The following CA10 variants were observed in gnomAD, a reference collection of about 807,000 sequenced individuals.
CA10 encodes the protein carbonic anhydrase-related protein 10.
A neutral mutation model predicts 44.2 loss-of-function variants in CA10; 14 were observed. That is an observed-to-expected ratio of 0.32 (90% CI 0.21 to 0.50). CA10 has a LOEUF of 0.50. Ranked by LOEUF, CA10 falls within the 20% of genes least tolerant of loss-of-function variation. The pLI is 0.99. For missense variants in CA10, 350 were observed against 409.7 expected (o/e 0.85, Z 1.26); for synonymous variants, 159 against 141.6 (o/e 1.12, Z -0.87).
rs374650198 is a variant in CA10, at chr17:51,635,930, C to A, written c.714G>T (p.Ser238=). 1.7e-5 allele frequency: 27 copies of A among 1,609,246 alleles called. No homozygotes were observed. The Admixed American group carries it at 3.7e-4, about 22-fold the overall frequency. ...TCTCATAGCAGGGTGGGATAGTCAT[C>A]GACCCATCGTAAGTGATGAAACTAG... ...ETSSFITYDG[S]MTIPPCYETA... Residue 238 remains serine, a synonymous_variant, in exon 7 of 9, where the codon TCG becomes TCT. Coordinates refer to ENST00000451037, the MANE Select transcript of CA10 (RefSeq NM_020178.5).
chr17:51,749,103 C>G (rs1311472355), intron 3 of CA10, among the ~76,000 whole-genome samples: 1 of 152,214 alleles, frequency 6.6e-6, no homozygotes, highest in Non-Finnish European at 1.5e-5. Context: ...ATGGAAATGG[C>G]AATGTGGTGC....
At position 51,873,846 on chromosome 17, in the gene CA10, C is replaced by G. The variant is rs190838341; in HGVS notation, c.279+57144G>C. Among the ~76,000 whole-genome samples, 30 of 152,330 alleles carry G rather than the reference C, an allele frequency of 2.0e-4. No individual in the cohort carries two copies. In the East Asian group the frequency reaches 5.6e-3, roughly 28 times the overall value. ...CCCAATGATGTAAATACACATTTCA[C>G]TGCCTAAAATGACCAAAAACGTGTT... On this transcript the variant is annotated intron_variant, in intron 3 of 8. Transcript: ENST00000451037.
intron 2 of CA10, among the ~76,000 whole-genome samples, chr17:51,951,614 A>C (rs548102792): frequency 6.6e-6 from 1 of 152,292 alleles, no homozygotes; most frequent in South Asian, 2.1e-4. Context: ...CCTCCATGCA[A>C]AAATTTGGGT....
chr17:51,769,537 G>A (rs532531573), intron 3 of CA10, among the ~76,000 whole-genome samples: 1 of 152,200 alleles, frequency 6.6e-6, no homozygotes, highest in East Asian at 1.9e-4. Flanking sequence ...TTTCTGGGAA[G>A]GAAATAAAAC....
chr17:52,044,986 T>A (rs1314947432), intron 2 of CA10, among the ~76,000 whole-genome samples: 50 of 151,580 alleles, frequency 3.3e-4, no homozygotes, highest in Non-Finnish European at 4.4e-5. Flanking sequence ...CCATAAAAAA[T>A]TGAACATAAA....
chr17:51,980,933 A>T (rs1041082237), intron 2 of CA10, among the ~76,000 whole-genome samples: 3 of 152,266 alleles, frequency 2.0e-5, no homozygotes, highest in African/African-American at 7.2e-5. Context: ...ACTATTCAGC[A>T]TCATTAGCCA....
intron 3 of CA10, among the ~76,000 whole-genome samples, chr17:51,867,392 A>G (rs1437338362): frequency 1.3e-5 from 2 of 152,216 alleles, no homozygotes; most frequent in African/African-American, 4.8e-5. Flanking sequence ...GGTTAAGAGC[A>G]TGGGCTTTAG....
chr17:51,927,047 A>G (rs1982461368), intron 3 of CA10, among the ~76,000 whole-genome samples: 1 of 152,198 alleles, frequency 6.6e-6, no homozygotes, highest in Non-Finnish European at 1.5e-5. Flanking sequence ...ATTATCCTTC[A>G]TCCCAGTCTC....
intron 1 of CA10, among the ~76,000 whole-genome samples, chr17:52,081,658 G>A (rs947055448): frequency 2.0e-5 from 3 of 151,992 alleles, no homozygotes; most frequent in East Asian, 1.9e-4. Flanking sequence ...AAATTAGCCG[G>A]GCGTAGTGGT....
intron 4 of CA10, among the ~76,000 whole-genome samples, chr17:51,724,947 T>TA (rs1365220911): frequency 6.6e-6 from 1 of 152,242 alleles, no homozygotes; most frequent in African/African-American, 2.4e-5. Flanking sequence ...GTTGAGTGCC[T>TA]ACAAGGAGCC....
At chr17:51,873,418 T>C (rs548659982) in intron 3 of CA10, among the ~76,000 whole-genome samples, 1 of 152,328 alleles carries the variant, frequency 6.6e-6, no homozygotes, top group South Asian at 2.1e-4. Context: ...CATTAGGTAG[T>C]TGGCACTCAG....
chr17:51,905,289 CAGGTGG>C (rs1981497375), intron 3 of CA10, among the ~76,000 whole-genome samples: 1 of 152,112 alleles, frequency 6.6e-6, no homozygotes, highest in African/African-American at 2.4e-5. Flanking sequence ...TGCACTGCCT[CAGGTGG>C]AGTTAATTCT....
intron 2 of CA10, among the ~76,000 whole-genome samples, chr17:51,999,318 G>T (rs970762651): frequency 3.3e-5 from 5 of 152,014 alleles, no homozygotes; most frequent in African/African-American, 1.2e-4. Context: ...CATCACACAG[G>T]TATTGAAAAT....
intron 4 of CA10, among the ~76,000 whole-genome samples, chr17:51,731,375 C>T (rs903113528): frequency 1.6e-4 from 24 of 151,498 alleles, no homozygotes; most frequent in African/African-American, 5.8e-4. Flanking sequence ...GACTCCGTCT[C>T]AAGAAAAAAA....
At chr17:51,987,494 A>C (rs980705833) in intron 2 of CA10, among the ~76,000 whole-genome samples, 4 of 152,060 alleles carry the variant, frequency 2.6e-5, no homozygotes, top group African/African-American at 4.8e-5. Flanking sequence ...TCATGTAAGC[A>C]AACACCACCT....
rs1598246751 is a variant in CA10 at position 52,158,692 on chromosome 17, G to A, written c.-906C>T. ...GCTTCCATCGCCCGCAACTAGCGCC[G>A]CTGTCGAGATTTTCCGCAATACAAC... is the stretch of plus-strand genomic sequence containing the variant. On this transcript the variant is annotated 5_prime_UTR_variant, in exon 1 of 9. Coordinates refer to ENST00000451037, the MANE Select transcript of CA10 (RefSeq NM_020178.5). 1 of 152,672 alleles carries A rather than the reference G, an allele frequency of 6.5e-6. No homozygotes were observed. The highest frequency in any genetic ancestry group is 1.5e-5 in the Non-Finnish European group (1 of 68,336). The allele number at this position is 152,672 out of a possible 1,614,324, so 9.5% of individuals were successfully genotyped here. A position where few individuals can be genotyped will look rare whatever the true frequency, so the allele number is the denominator to read the frequency against.
chr17:52,049,712 T>C (rs1598186629), intron 2 of CA10, among the ~76,000 whole-genome samples: 1 of 152,118 alleles, frequency 6.6e-6, no homozygotes, highest in East Asian at 1.9e-4. Context: ...CCCTCAGACT[T>C]CTCCTGCCAA....
intron 3 of CA10, among the ~76,000 whole-genome samples, chr17:51,808,873 G>T (rs1302282434): frequency 6.6e-6 from 1 of 152,054 alleles, no homozygotes; most frequent in Admixed American, 6.5e-5. Context: ...TTACTTTAAA[G>T]AATATGCACT....
intron 2 of CA10, among the ~76,000 whole-genome samples, chr17:51,956,673 C>T (rs1437293895): frequency 6.6e-6 from 1 of 152,148 alleles, no homozygotes; most frequent in Non-Finnish European, 1.5e-5. Flanking sequence ...CCTTAAACAT[C>T]ATTTAAGCCC....
Sources: allele counts gnomAD v4.1 joint callset (sites outside exome capture counted in the v4.1 genomes callset), GRCh38; gene constraint gnomAD v4.1.1; transcripts MANE v1.5; gene names NCBI Gene and HGNC (gene_info 2026-07-23, HGNC 2026-07-21).